NPR2: variants seen among roughly 807,000 people sequenced by gnomAD.
NPR2 encodes atrial natriuretic peptide receptor 2.
In NPR2, 49 loss-of-function variants were observed where a neutral mutation model predicts 120.7. That is an observed-to-expected ratio of 0.41 (90% confidence interval 0.32 to 0.52). NPR2 has a LOEUF of 0.52. NPR2 is among the 20% of genes least tolerant of loss of function. The pLI is 0.36. For synonymous variants in NPR2, 484 were observed against 519.8 expected, an observed-to-expected ratio of 0.93 and a Z score of 0.94; for missense variants, 931 against 1,362.9, an observed-to-expected ratio of 0.68 and a Z score of 4.99.
rs1828225747 is a variant in NPR2, at chr9:35,802,801, A to G, written c.1885A>G (p.Lys629Glu). 5 of 1,600,174 alleles carry G rather than the reference A, an allele frequency of 3.1e-6. No homozygotes were observed. The highest frequency in any genetic ancestry group is 2.2e-5 in the East Asian group (1 of 44,826). ...FRYSLINDLV[K>E]GMAFLHNSII... ...TTATTCACTCATTAATGACCTTGTTAAGGTGAGTCTTCCCCACTCCTTAAA... is the reference window on the plus strand; with the variant it reads ...TTATTCACTCATTAATGACCTTGTTGAGGTGAGTCTTCCCCACTCCTTAAA... Residue 629 changes from lysine (K) to glutamate (E), a missense_variant and splice_region_variant, in exon 12 of 22, where the codon AAG becomes GAG. Transcript: ENST00000342694. The surrounding 1 kb of genome is among the most constrained non-coding windows in gnomAD (Gnocchi z 4.2).
chr9:35,792,709 T>G lies in NPR2; in HGVS notation c.301T>G (p.Cys101Gly). ...HDPDLLLGPGCVYPAASVARF... is the reference protein window; with the variant it reads ...HDPDLLLGPGGVYPAASVARF... ...CCCCGACCTGCTGTTAGGTCCCGGT[T>G]GCGTGTACCCTGCTGCCTCTGTGGC... The change falls in exon 1 of 22, where the codon TGC becomes GGC. Residue 101 changes from cysteine (C) to glycine (G), a missense_variant. By Grantham distance (159) the Cys-to-Gly change is radical (BLOSUM62 -3). Around this residue, in one of 3 missense-constraint regions of NPR2, gnomAD observed 681 missense variants for 974.3 expected, o/e 0.70. Coordinates refer to ENST00000342694, the MANE Select transcript of NPR2 (RefSeq NM_003995.4). The G allele has an allele frequency of 1.2e-6, 2 of 1,614,160 alleles. No homozygotes were observed. Among genetic ancestry groups the G allele is most frequent in the Non-Finnish European group, 1.7e-6 (2 of 1,180,040 alleles).
At chr9:35,795,403 T>C (rs754236656) in intron 2 of NPR2, among the ~76,000 whole-genome samples, 8 of 152,218 alleles carry the variant, frequency 5.3e-5, no homozygotes, top group Non-Finnish European at 8.8e-5. Context: ...ATATCCCTCC[T>C]TTTTTCCAAG....
In NPR2 at chr9:35,805,660, C is replaced by A. The variant is rs1828342515; in HGVS notation, c.2037C>A (p.Ala679=). 1.9e-6 allele frequency: 3 copies of A among 1,614,044 alleles called. No homozygotes were observed. The South Asian group carries it at 3.3e-5, about 18-fold the overall frequency. The change falls in exon 13 of 22, where the codon GCC becomes GCA. Residue 679 remains alanine, a synonymous_variant. Coordinates refer to ENST00000342694, the MANE Select transcript of NPR2 (RefSeq NM_003995.4). This position sits in a 1 kb window ranked among gnomAD's most constrained non-coding sequence, Gnocchi z 4.9. ...RSTAEPDDSH[A]LYAKKLWTAP... ...CTGCTGAACCTGATGACAGCCATGC[C>A]CTCTATGCCAGTGAGGCCCACCCCC...
rs373860358 is a variant in NPR2 at position 35,802,089 on chromosome 9, A to T, written c.1632+89A>T. The T allele has an allele frequency of 4.8e-5, 67 of 1,393,774 alleles. No homozygotes were observed. In the African/African-American group the frequency reaches 8.8e-4, roughly 18 times the overall value. 86.3% of individuals were successfully genotyped at this position (1,393,774 alleles called of 1,614,324 possible). On this transcript the variant is annotated intron_variant, in intron 9 of 21. Transcript: ENST00000342694. This position sits in a 1 kb window ranked among gnomAD's most constrained non-coding sequence, Gnocchi z 4.2. ...CTCTGCCCCTGAACCTCTGTCCCTC[A>T]TACCCGACTCTCTGTGCCCAGCTGA...
In NPR2 at chr9:35,808,607, A is replaced by G; in HGVS notation, c.2811A>G (p.Leu937=). 6.2e-7 allele frequency: 1 copy of G among 1,614,162 alleles called. No homozygotes were observed. Reference sequence around the variant, plus strand: ...AAATTGCTCGTATGGCCCTAGCATTACTAGATGCAGTTTCTTCCTTTCGCA... The same window carrying G: ...AAATTGCTCGTATGGCCCTAGCATTGCTAGATGCAGTTTCTTCCTTTCGCA... The part of the protein sequence containing the change: ...APEIARMALA[L]LDAVSSFRIR... The change falls in exon 19 of 22, where the codon TTA becomes TTG. Residue 937 remains leucine (L), a synonymous_variant. Transcript: ENST00000342694. This position sits in a 1 kb window ranked among gnomAD's most constrained non-coding sequence, Gnocchi z 4.0.
intron 12 of NPR2, among the ~76,000 whole-genome samples, chr9:35,803,127 G>T (rs1312592648): frequency 1.2e-5 from 1 of 81,154 alleles, no homozygotes; most frequent in Admixed American, 1.2e-4. Context: ...TTTTTGAGAC[G>T]GAGTCTCGCT....
intron 18 of NPR2, among the ~76,000 whole-genome samples, chr9:35,807,849 T>A: frequency 6.6e-6 from 1 of 152,238 alleles, no homozygotes; most frequent in East Asian, 1.9e-4. Flanking sequence ...GAATATTGGC[T>A]TGTTGCTAAC....
rs1588074350 is a variant in NPR2 at position 35,809,100 on chromosome 9, G to T, written c.2987-56G>T. On this transcript the variant is annotated intron_variant, in intron 20 of 21. Transcript: ENST00000342694. This position sits in a 1 kb window ranked among gnomAD's most constrained non-coding sequence, Gnocchi z 4.1. ...TGCTATACAGTATCACCAATTATTT[G>T]ATTGCCTTTTCTTTGATTCCTCATT... 1 of 1,486,884 alleles carries T rather than the reference G, an allele frequency of 6.7e-7. No homozygotes were observed. Among genetic ancestry groups the T allele is most frequent in the South Asian group, 1.1e-5 (1 of 88,476 alleles). 92.1% of individuals were successfully genotyped at this position (1,486,884 alleles called of 1,614,324 possible).
In NPR2 at chr9:35,808,605, T is replaced by A; in HGVS notation, c.2809T>A (p.Leu937Ile). The A allele has an allele frequency of 6.2e-7, 1 of 1,614,172 alleles. No individual in the cohort carries two copies. The highest frequency in any genetic ancestry group is 8.5e-7 in the Non-Finnish European group (1 of 1,179,998). The change falls in exon 19 of 22, where the codon TTA becomes ATA. Residue 937 changes from leucine (L) to isoleucine (I), a missense_variant. This residue lies in a region of NPR2 where 184 missense variants were observed against 328.3 expected (regional missense o/e 0.56). Coordinates refer to ENST00000342694, the MANE Select transcript of NPR2 (RefSeq NM_003995.4). The surrounding 1 kb of genome is among the most constrained non-coding windows in gnomAD (Gnocchi z 4.0). ...APEIARMALA[L>I]LDAVSSFRIR... The stretch of plus-strand genomic sequence containing the variant: ...AGAAATTGCTCGTATGGCCCTAGCA[T>A]TACTAGATGCAGTTTCTTCCTTTCG...
intron 12 of NPR2, among the ~76,000 whole-genome samples, chr9:35,804,621 T>C (rs1397728239): frequency 6.6e-6 from 1 of 152,232 alleles, no homozygotes. Context: ...TGCACTGGCT[T>C]AGCAGATTTT....
In NPR2 at chr9:35,792,882, G is replaced by C; in HGVS notation, c.474G>C (p.Gly158=). The C allele has an allele frequency of 6.2e-7, 1 of 1,614,130 alleles. No individual in the cohort carries two copies. The highest frequency in any genetic ancestry group is 8.5e-7 in the Non-Finnish European group (1 of 1,180,038). The change falls in exon 1 of 22, where the codon GGG becomes GGC. Residue 158 remains glycine, a synonymous_variant. Transcript: ENST00000342694. ...GTGAGTTTGTGGTGACACTACACGG[G>C]CACTTCAATTGGACTGCCCGTGCTG... ...KLGEFVVTLH[G]HFNWTARAAL...
chr9:35,809,273 G>C lies in NPR2; in HGVS notation c.3078+26G>C, dbSNP rs367545714. On this transcript the variant is annotated intron_variant, in intron 21 of 21. Transcript: ENST00000342694. This position sits in a 1 kb window ranked among gnomAD's most constrained non-coding sequence, Gnocchi z 4.1. ...GTGATGGCAGGCCATGGGGAGGGGGGCATGGAAAGGGAGGGTGAAAGTGAT... is the reference window on the plus strand; with the variant it reads ...GTGATGGCAGGCCATGGGGAGGGGGCCATGGAAAGGGAGGGTGAAAGTGAT... The C allele has an allele frequency of 1.2e-6, 2 of 1,608,556 alleles. No homozygotes were observed. Among genetic ancestry groups the C allele is most frequent in the Non-Finnish European group, 1.7e-6 (2 of 1,175,254 alleles).
intron 2 of NPR2, 96 bp downstream of exon 2, chr9:35,794,199 A>C: frequency 8.7e-7 from 1 of 1,153,180 alleles, no homozygotes; most frequent in Middle Eastern, 2.9e-4. Flanking sequence ...GGAACCAGGC[A>C]GGAATTGTGA....
In NPR2 at chr9:35,800,321, T is replaced by G. The variant is rs1828102690; in HGVS notation, c.1124-68T>G. ...GGAAGGGTAGACTCTGAGGGAGCCG[T>G]AGGCATGAGTGAGTGGGAGAGGAGC... On this transcript the variant is annotated intron_variant, in intron 4 of 21. Transcript: ENST00000342694. This position sits in a 1 kb window ranked among gnomAD's most constrained non-coding sequence, Gnocchi z 4.7. 1 of 1,480,666 alleles carries G rather than the reference T, an allele frequency of 6.8e-7. No individual in the cohort carries two copies. Among genetic ancestry groups the G allele is most frequent in the Non-Finnish European group, 9.4e-7 (1 of 1,058,580 alleles). 91.7% of individuals were successfully genotyped at this position (1,480,666 alleles called of 1,614,324 possible).
Position 35,808,562 on chromosome 9 carries a change from T to C in NPR2, c.2766T>C (p.Asn922=). 6.2e-7 allele frequency: 1 copy of C among 1,614,156 alleles called. No homozygotes were observed. Among genetic ancestry groups the C allele is most frequent in the Non-Finnish European group, 8.5e-7 (1 of 1,180,028 alleles). The change falls in exon 19 of 22, where the codon AAT becomes AAC. Residue 922 remains asparagine (N), a synonymous_variant. Transcript: ENST00000342694. This position sits in a 1 kb window ranked among gnomAD's most constrained non-coding sequence, Gnocchi z 4.0. ...YMVVSGLPGR[N]GQRHAPEIAR... Reference sequence around the variant, plus strand: ...TGGTATCTGGCCTCCCAGGCCGAAATGGTCAACGCCATGCACCAGAAATTG... The same window carrying C: ...TGGTATCTGGCCTCCCAGGCCGAAACGGTCAACGCCATGCACCAGAAATTG...
chr9:35,805,809 C>T lies in NPR2; in HGVS notation c.2048-21C>T, dbSNP rs1165107838. On this transcript the variant is annotated intron_variant, in intron 13 of 21. Transcript: ENST00000342694. The surrounding 1 kb of genome is among the most constrained non-coding windows in gnomAD (Gnocchi z 4.9). The stretch of plus-strand genomic sequence containing the variant: ...GGTGCCCCATTTCGGGGGACCTGGC[C>T]AGCCGGTTTCCTCTTTTCAGAGAAG... The T allele has an allele frequency of 3.1e-6, 5 of 1,613,598 alleles. No homozygotes were observed. The South Asian group carries it at 3.3e-5, about 11-fold the overall frequency.
Position 35,806,058 on chromosome 9 carries a change from C to T in NPR2, c.2204-7C>T, listed in dbSNP as rs753558629. The T allele has an allele frequency of 6.2e-7, 1 of 1,614,134 alleles. No homozygotes were observed. The highest frequency in any genetic ancestry group is 8.5e-7 in the Non-Finnish European group (1 of 1,180,022). On this transcript the variant is annotated splice_polypyrimidine_tract_variant and splice_region_variant and intron_variant, in intron 14 of 21. Transcript: ENST00000342694. This position sits in a 1 kb window ranked among gnomAD's most constrained non-coding sequence, Gnocchi z 4.6. Reference sequence around the variant, plus strand: ...TGTTCTTCATCCAAACCTTTGATCACCCTCAGAGATTGTCCAGAAGGTACG... The same window carrying T: ...TGTTCTTCATCCAAACCTTTGATCATCCTCAGAGATTGTCCAGAAGGTACG...
chr9:35,799,774 G>T, intron 3 of NPR2, 43 bp downstream of exon 3: 1 of 1,540,424 alleles, frequency 6.5e-7, no homozygotes, highest in South Asian at 1.1e-5. Context: ...TCAAGCTTTG[G>T]GGAAGGGCTT....
Position 35,806,090 on chromosome 9 carries a change from TCAG to T in NPR2, c.2231_2233del (p.Gln744del), listed in dbSNP as rs1408962671. ...AGATTGTCCAGAAGGTACGAAATGG[TCAG>T]CGGCCATATTTCCGGCCAAGCATTG... On this transcript the variant is annotated inframe_deletion, in exon 15 of 22. Coordinates refer to ENST00000342694, the MANE Select transcript of NPR2 (RefSeq NM_003995.4). This position sits in a 1 kb window ranked among gnomAD's most constrained non-coding sequence, Gnocchi z 4.6. 1.2e-5 allele frequency: 20 copies of T among 1,614,070 alleles called. No homozygotes were observed. The highest frequency in any genetic ancestry group is 1.7e-5 in the Non-Finnish European group (20 of 1,180,056).
Sources: gnomAD v4.1 joint callset for allele counts (sites outside exome capture counted in the v4.1 genomes callset) on GRCh38, gnomAD v4.1.1 for gene constraint, gnomAD v4.1.1 regional missense constraint, Gnocchi (gnomAD v3.1) non-coding constraint, MANE v1.5 for transcripts, NCBI Gene and HGNC (gene_info 2026-07-23, HGNC 2026-07-21) for gene names.